The following LDLRAD3 variants were observed in gnomAD, a reference collection of about 807,000 sequenced individuals.
LDLRAD3 encodes the protein low-density lipoprotein receptor class A domain-containing protein 3.
A neutral mutation model predicts 29.4 loss-of-function variants in LDLRAD3; 20 were observed. The observed-to-expected ratio is 0.68, with a 90% CI of 0.48 to 0.99. The LOEUF (loss-of-function observed/expected upper bound fraction) is 0.99. Ranked by LOEUF, LDLRAD3 falls within the 50% of genes least tolerant of loss-of-function variation. The pLI, the probability that LDLRAD3 is intolerant of heterozygous loss-of-function variation, is 0.00. For synonymous variants in LDLRAD3, 157 were observed against 192.7 expected, an observed-to-expected ratio of 0.81 and a Z score of 1.53; for missense variants, 420 against 454.3, an observed-to-expected ratio of 0.92 and a Z score of 0.69.
chr11:36,213,186 G>A lies in LDLRAD3; in HGVS notation c.455-13899G>A, dbSNP rs550790345. Among the ~76,000 whole-genome samples the A allele has an allele frequency of 1.0e-3, 153 of 151,944 alleles. No homozygotes were observed. The highest frequency in any genetic ancestry group is 3.6e-3 in the African/African-American group (151 of 41,424). ...TTGTCTCCCAGCTCTCAATGGTCCT[G>A]GTTCCCAGCATCCTGGCAGATGGGT... On this transcript the variant is annotated intron_variant, in intron 4 of 5. Transcript: ENST00000315571. This position sits in a 1 kb window ranked among gnomAD's most constrained non-coding sequence, Gnocchi z 4.1.
At chr11:36,188,971 CTTTT>C (rs34522525) in intron 4 of LDLRAD3, among the ~76,000 whole-genome samples, 1 of 143,446 alleles carries the variant, frequency 7.0e-6, no homozygotes, top group Non-Finnish European at 1.5e-5. Context: ...CAACCAAGAG[CTTTT>C]TTTTTTTTTC....
intron 1 of LDLRAD3, among the ~76,000 whole-genome samples, chr11:35,975,789 T>C (rs1344846437): frequency 6.6e-6 from 1 of 151,742 alleles, no homozygotes; most frequent in African/African-American, 2.4e-5. Context: ...TCAAATGGGC[T>C]GAGCCAGAGA....
chr11:36,069,722 C>G (rs1367988198), intron 2 of LDLRAD3, among the ~76,000 whole-genome samples: 2 of 152,008 alleles, frequency 1.3e-5, no homozygotes, highest in African/African-American at 2.4e-5. Context: ...TTCAGTTGCT[C>G]CTTTACCACA....
At chr11:36,210,196 T>C (rs1163680047) in intron 4 of LDLRAD3, among the ~76,000 whole-genome samples, 1 of 152,218 alleles carries the variant, frequency 6.6e-6, no homozygotes, top group Non-Finnish European at 1.5e-5. Context: ...TAGTAGGTGC[T>C]AGGAAATGTA....
At chr11:36,143,832 C>G (rs188818692) in intron 4 of LDLRAD3, among the ~76,000 whole-genome samples, 3 of 152,076 alleles carry the variant, frequency 2.0e-5, no homozygotes, top group Non-Finnish European at 2.9e-5. Flanking sequence ...AAACAAAAAC[C>G]TCATTTTAGC....
chr11:36,186,456 C>G, intron 4 of LDLRAD3, among the ~76,000 whole-genome samples: 1 of 152,160 alleles, frequency 6.6e-6, no homozygotes, highest in East Asian at 1.9e-4. Flanking sequence ...TGGTAGCTGG[C>G]TTATTTGAGA....
chr11:36,209,232 C>G (rs1279676419), intron 4 of LDLRAD3, among the ~76,000 whole-genome samples: 3 of 151,794 alleles, frequency 2.0e-5, no homozygotes, highest in Non-Finnish European at 4.4e-5. Context: ...AAATTTGAAT[C>G]AATTCTATTA....
intron 3 of LDLRAD3, among the ~76,000 whole-genome samples, chr11:36,091,666 A>G (rs987898645): frequency 6.6e-6 from 1 of 152,188 alleles, no homozygotes; most frequent in Non-Finnish European, 1.5e-5. Context: ...CTAGTGAAAT[A>G]AATATTGTAA....
chr11:36,221,850 T>C (rs1855433254), intron 4 of LDLRAD3, among the ~76,000 whole-genome samples: 1 of 152,226 alleles, frequency 6.6e-6, no homozygotes, highest in Non-Finnish European at 1.5e-5. Flanking sequence ...TTTCCAGATA[T>C]ATTCTATACA....
In LDLRAD3 at chr11:36,227,106, T is replaced by C. The variant is rs1395535767; in HGVS notation, c.476T>C (p.Phe159Ser). 6.3e-7 allele frequency: 1 copy of C among 1,599,618 alleles called. No individual in the cohort carries two copies. The highest frequency in any genetic ancestry group is 8.6e-7 in the Non-Finnish European group (1 of 1,168,884). ...SSQEPGSGQV[F>S]VTSENQLVYY... ...TCAGAACCCGGCAGTGGGCAGGTGTTTGTGACTTCAGAGAACCAACTTGTG... is the reference window on the plus strand; with the variant it reads ...TCAGAACCCGGCAGTGGGCAGGTGTCTGTGACTTCAGAGAACCAACTTGTG... The change falls in exon 5 of 6, where the codon TTT (phenylalanine) becomes TCT (serine). Residue 159 changes from phenylalanine to serine, a missense_variant. Around this residue, in one of 3 missense-constraint regions of LDLRAD3, gnomAD observed 224 missense variants for 222.2 expected, o/e 1.01. Coordinates refer to ENST00000315571, the MANE Select transcript of LDLRAD3 (RefSeq NM_174902.4).
In LDLRAD3 at chr11:36,098,452, A is replaced by C. The variant is rs144877934; in HGVS notation, c.445A>C (p.Ser149Arg). Residue 149 changes from serine (S) to arginine (R), a missense_variant, in exon 4 of 6, where the codon AGT becomes CGT. Around this residue, in one of 3 missense-constraint regions of LDLRAD3, gnomAD observed 224 missense variants for 222.2 expected, o/e 1.01. Coordinates refer to ENST00000315571, the MANE Select transcript of LDLRAD3 (RefSeq NM_174902.4). ...QDNSDEESCE[S>R]SQEPGSGQVF... is the part of the protein sequence containing the mutation. ...CAACAGTGATGAGGAAAGCTGTGAA[A>C]GTTCTCAAGGTAGGAACCTCTCAAG... 221 of 1,614,220 alleles carry C rather than the reference A, an allele frequency of 1.4e-4. No individual in the cohort carries two copies. In the African/African-American group the frequency reaches 2.6e-3, roughly 19 times the overall value.
At chr11:36,208,918 A>G (rs1292439646) in intron 4 of LDLRAD3, among the ~76,000 whole-genome samples, 2 of 152,262 alleles carry the variant, frequency 1.3e-5, no homozygotes, top group Non-Finnish European at 2.9e-5. Flanking sequence ...ATATTTATTG[A>G]CTACAAAGAC....
intron 4 of LDLRAD3, among the ~76,000 whole-genome samples, chr11:36,154,288 C>T (rs1200954102): frequency 1.3e-5 from 2 of 152,192 alleles, no homozygotes; most frequent in African/African-American, 2.4e-5. Context: ...ACTACCACCA[C>T]TGATGTACCC....
In LDLRAD3 at chr11:35,944,237, C is replaced by A; in HGVS notation, c.46+93C>A. The A allele has an allele frequency of 1.3e-6, 1 of 765,256 alleles. No individual in the cohort carries two copies. Among genetic ancestry groups the A allele is most frequent in the Non-Finnish European group, 1.6e-6 (1 of 628,136 alleles). 47.4% of individuals were successfully genotyped at this position (765,256 alleles called of 1,614,324 possible). A position where few individuals can be genotyped will look rare whatever the true frequency, so the allele number is the denominator to read the frequency against. On this transcript the variant is annotated intron_variant, in intron 1 of 5. Coordinates refer to ENST00000315571, the MANE Select transcript of LDLRAD3 (RefSeq NM_174902.4). This position sits in a 1 kb window ranked among gnomAD's most constrained non-coding sequence, Gnocchi z 4.9. ...GGGTGCGATCGCGTCCTCTCCCGGG[C>A]GCGGGCCGCTCTCCGGGCGTGGGTG...
chr11:35,979,031 T>C (rs2133154836), intron 1 of LDLRAD3, among the ~76,000 whole-genome samples: 1 of 152,354 alleles, frequency 6.6e-6, no homozygotes, highest in African/African-American at 2.4e-5. Flanking sequence ...ATATTTGAGT[T>C]GTTTTTCTTT....
intron 2 of LDLRAD3, among the ~76,000 whole-genome samples, chr11:36,037,116 G>A (rs1852314696): frequency 2.6e-5 from 4 of 152,142 alleles, no homozygotes; most frequent in Admixed American, 2.6e-4. Flanking sequence ...AAGCATGACT[G>A]ACAAGTGGTG....
chr11:36,000,749 G>A (rs546794990), intron 1 of LDLRAD3, among the ~76,000 whole-genome samples: 14 of 152,240 alleles, frequency 9.2e-5, no homozygotes, highest in East Asian at 7.7e-4. Flanking sequence ...AAGCTGGGGC[G>A]CGTGACATGG....
At chr11:35,962,048 T>C (rs1207148483) in intron 1 of LDLRAD3, among the ~76,000 whole-genome samples, 1 of 152,224 alleles carries the variant, frequency 6.6e-6, no homozygotes, top group Non-Finnish European at 1.5e-5. Flanking sequence ...TCACTAATCA[T>C]GAACTAGAAA....
At chr11:36,201,773 A>G (rs12291701) in intron 4 of LDLRAD3, among the ~76,000 whole-genome samples, 2,360 of 152,328 alleles carry the variant, frequency 0.015, 69 homozygotes, top group African/African-American at 0.054. Flanking sequence ...GTCTTTCCAA[A>G]CAAATAGTAC....
Sources: allele counts gnomAD v4.1 joint callset (sites outside exome capture counted in the v4.1 genomes callset), GRCh38; gene constraint gnomAD v4.1.1; regional missense constraint gnomAD v4.1.1; non-coding constraint Gnocchi (gnomAD v3.1); transcripts MANE v1.5; gene names NCBI Gene and HGNC (gene_info 2026-07-23, HGNC 2026-07-21).